The following PIWIL1 variants were observed in gnomAD, a reference collection of about 807,000 sequenced individuals.
PIWIL1 encodes piwi like RNA-mediated gene silencing 1, also known as piwi-like protein 1.
In PIWIL1, 73 loss-of-function variants were observed where a neutral mutation model predicts 114.4. The ratio of observed to expected loss-of-function variants is 0.64; its 90% confidence interval spans 0.53 to 0.78. The LOEUF is 0.78. PIWIL1 is among the 30% of genes least tolerant of loss of function. The pLI is 0.00. For synonymous variants in PIWIL1, 375 were observed against 369.0 expected, an observed-to-expected ratio of 1.02 and a Z score of -0.19; for missense variants, 723 against 1,063.1, an observed-to-expected ratio of 0.68 and a Z score of 4.45.
the PIWIL1 span, among the ~76,000 whole-genome samples, chr12:130,402,855 C>T: frequency 6.6e-6 from 1 of 152,158 alleles, no homozygotes; most frequent in Admixed American, 6.5e-5. Context: ...TAGGAAGGTA[C>T]AGGATTTAAG....
the PIWIL1 span, chr12:130,413,999 G>A: frequency 4.1e-5 from 42 of 1,015,134 alleles, no homozygotes; most frequent in Non-Finnish European, 5.8e-5. Flanking sequence ...ACCTCCTCCC[G>A]TGCCTCGCCC....
Position 130,361,554 on chromosome 12 carries a change from G to A in PIWIL1, c.1923G>A (p.Arg641=), listed in dbSNP as rs759666350. ...GTTACCATGACATGACAGCTGGGCGGAGGTCAATCGCAGGATTTGTTGCCA... is the reference window on the plus strand; with the variant it reads ...GTTACCATGACATGACAGCTGGGCGAAGGTCAATCGCAGGATTTGTTGCCA... ...IDCYHDMTAG[R]RSIAGFVASI... Residue 641 remains arginine (R), a synonymous_variant, in exon 16 of 21, where the codon CGG becomes CGA. Coordinates refer to ENST00000245255, the MANE Select transcript of PIWIL1 (RefSeq NM_004764.5). 3 of 1,614,240 alleles carry A rather than the reference G, an allele frequency of 1.9e-6. No homozygotes were observed. Among genetic ancestry groups the A allele is most frequent in the Non-Finnish European group, 1.7e-6 (2 of 1,180,048 alleles).
chr12:130,365,340 T>C (rs533129637), intron 18 of PIWIL1, among the ~76,000 whole-genome samples: 1 of 152,330 alleles, frequency 6.6e-6, no homozygotes, highest in African/African-American at 2.4e-5. Context: ...AACAGTTAAC[T>C]GAGGCATTGC....
intron 9 of PIWIL1, chr12:130,351,563 G>A (rs576480361): frequency 3.3e-5 from 5 of 152,098 alleles, no homozygotes; most frequent in African/African-American, 1.2e-4. Context: ...CGGTGCTCTT[G>A]GTCAATGCAG....
In PIWIL1 at chr12:130,360,184, T is replaced by C. The variant is rs545135848; in HGVS notation, c.1666-996T>C. ...GCTTCTTCTAATGTGTTCATTATTT[T>C]AGCCCTTCATGTCACACTTTAGATC... On this transcript the variant is annotated intron_variant, in intron 14 of 20. Coordinates refer to ENST00000245255, the MANE Select transcript of PIWIL1 (RefSeq NM_004764.5). Among the ~76,000 whole-genome samples, 4 of 152,350 alleles carry C rather than the reference T, an allele frequency of 2.6e-5. No individual in the cohort carries two copies. In the East Asian group the frequency reaches 7.7e-4, roughly 29 times the overall value.
Position 130,363,071 on chromosome 12 carries a change from C to T in PIWIL1, c.2122C>T (p.Gln708Ter). The T allele has an allele frequency of 2.5e-6, 4 of 1,614,234 alleles. No individual in the cohort carries two copies. The highest frequency in any genetic ancestry group is 3.4e-6 in the Non-Finnish European group (4 of 1,180,036). ...GTACCGCGATGGCGTAGGAGACGGCCAGCTGAAAACACTGGTGAACTACGA... is the reference window on the plus strand; with the variant it reads ...GTACCGCGATGGCGTAGGAGACGGCTAGCTGAAAACACTGGTGAACTACGA... Reference protein sequence around the residue: ...IVYRDGVGDGQLKTLVNYEVP... With the variant: ...IVYRDGVGDG The change falls in exon 18 of 21, where the codon CAG (glutamine) becomes TAG (stop). Residue 708 changes from glutamine (Q) to a stop codon, truncating the protein, a stop_gained. Transcript: ENST00000245255. LOFTEE classifies it high-confidence loss of function.
the PIWIL1 span, chr12:130,424,023 G>C: frequency 9.9e-6 from 5 of 505,874 alleles, no homozygotes; most frequent in African/African-American, 4.0e-5. This position sits in a 1 kb window ranked among gnomAD's most constrained non-coding sequence, Gnocchi z 9.8. Flanking sequence ...CAGGGAAAAC[G>C]AAAGACAGCC....
At chr12:130,378,123 C>T in the PIWIL1 span, among the ~76,000 whole-genome samples, 37 of 152,194 alleles carry the variant, frequency 2.4e-4, no homozygotes, top group Admixed American at 1.0e-3. Flanking sequence ...TAGAGAATGC[C>T]TATACCCTTC....
intron 19 of PIWIL1, among the ~76,000 whole-genome samples, chr12:130,368,627 G>T (rs1247637963): frequency 6.6e-6 from 1 of 152,160 alleles, no homozygotes; most frequent in African/African-American, 2.4e-5. Context: ...AGAAGGCTAA[G>T]ATGTTAACAT....
At chr12:130,424,794 G>A in the PIWIL1 span, 1 of 1,232,958 alleles carries the variant, frequency 8.1e-7, no homozygotes, top group Non-Finnish European at 1.0e-6. The surrounding 1 kb of genome is among the most constrained non-coding windows in gnomAD (Gnocchi z 9.8). Flanking sequence ...CTTCCTGTGG[G>A]GCTGGTGGGG....
At chr12:130,410,805 CTTCTTG>C in the PIWIL1 span, among the ~76,000 whole-genome samples, 1 of 152,184 alleles carries the variant, frequency 6.6e-6, no homozygotes, top group Non-Finnish European at 1.5e-5. Flanking sequence ...ATCTTCCAAG[CTTCTTG>C]TTCTTGTTAA....
the PIWIL1 span, among the ~76,000 whole-genome samples, chr12:130,413,064 T>C: frequency 3.3e-5 from 5 of 152,070 alleles, no homozygotes; most frequent in South Asian, 6.2e-4. Flanking sequence ...TGAATGCATG[T>C]TATTTAAATT....
intron 9 of PIWIL1, among the ~76,000 whole-genome samples, chr12:130,350,254 G>C (rs1247093217): frequency 6.6e-6 from 1 of 152,186 alleles, no homozygotes; most frequent in East Asian, 1.9e-4. Context: ...TGGATAACAG[G>C]TGGCGAGCAG....
At chr12:130,363,687 G>A (rs1457229402) in intron 18 of PIWIL1, among the ~76,000 whole-genome samples, 2 of 130,388 alleles carry the variant, frequency 1.5e-5, no homozygotes, top group East Asian at 2.4e-4. Flanking sequence ...GCACAATCTC[G>A]GCTCACTGCA....
At chr12:130,412,881 A>G in the PIWIL1 span, 1 of 1,143,018 alleles carries the variant, frequency 8.7e-7, no homozygotes, top group Non-Finnish European at 1.2e-6. Flanking sequence ...AGTCGAAAAT[A>G]TATTTTAAAT....
At chr12:130,409,732 T>C in the PIWIL1 span, among the ~76,000 whole-genome samples, 3 of 152,190 alleles carry the variant, frequency 2.0e-5, no homozygotes, top group African/African-American at 7.2e-5. Flanking sequence ...AGTGGCTCTG[T>C]TCCATTGCTG....
chr12:130,366,075 GTATAAAACCCTC>G (rs2073647773), intron 18 of PIWIL1, among the ~76,000 whole-genome samples: 1 of 152,210 alleles, frequency 6.6e-6, no homozygotes, highest in African/African-American at 2.4e-5. Context: ...GGTCCATACT[GTATAAAACCCTC>G]TGCTTCCCAG....
the PIWIL1 span, chr12:130,414,252 T>A: frequency 6.2e-7 from 1 of 1,613,470 alleles, no homozygotes; most frequent in Non-Finnish European, 8.5e-7. Context: ...GGCACCAGGG[T>A]CAGTTTCTGA....
intron 18 of PIWIL1, among the ~76,000 whole-genome samples, chr12:130,364,951 A>C (rs2073614099): frequency 6.6e-6 from 1 of 152,204 alleles, no homozygotes; most frequent in Non-Finnish European, 1.5e-5. Context: ...CTAGGAGTAC[A>C]CACTCCTGGC....
Sources: allele counts gnomAD v4.1 joint callset (sites outside exome capture counted in the v4.1 genomes callset), GRCh38; gene constraint gnomAD v4.1.1; non-coding constraint Gnocchi (gnomAD v3.1); transcripts MANE v1.5; gene names NCBI Gene and HGNC (gene_info 2026-07-23, HGNC 2026-07-21).